APIP: variants seen among roughly 807,000 people sequenced by gnomAD.
APIP encodes the protein methylthioribulose-1-phosphate dehydratase.
APIP carries 32 observed loss-of-function variants against 32.0 expected under a neutral mutation model. The ratio of observed to expected loss-of-function variants is 1.00; its 90% CI spans 0.76 to 1.34. The LOEUF is 1.34. Ranked by LOEUF, APIP falls within the 40% of genes most tolerant of loss-of-function variation. The probability of loss-of-function intolerance (pLI) is 0.00; values close to 1 mark genes in which losing one functional copy is unlikely to be tolerated. For missense variants in APIP, 247 were observed against 298.6 expected (o/e 0.83, Z 1.27); for synonymous variants, 92 against 94.8 (o/e 0.97, Z 0.17).
chr11:34,913,410 C>T (rs1211208302), intron 1 of APIP, among the ~76,000 whole-genome samples: 1 of 152,020 alleles, frequency 6.6e-6, no homozygotes, highest in African/African-American at 2.4e-5. Context: ...TTCAGATGTT[C>T]AGAGTTTCTT....
chr11:34,883,478 A>G lies in APIP; in HGVS notation c.488T>C (p.Ile163Thr). ...YRYDDMLVVP[I>T]IENTPEEKDL... ...TTTCTCCTCAGGTGTATTCTCAATA[A>G]TGGGTACCACTAACATATCATCATA... The change falls in exon 6 of 7, where the codon ATT becomes ACT. Residue 163 changes from isoleucine to threonine, a missense_variant. Transcript: ENST00000395787. 1 of 1,613,810 alleles carries G rather than the reference A, an allele frequency of 6.2e-7. No individual in the cohort carries two copies. The highest frequency in any genetic ancestry group is 8.5e-7 in the Non-Finnish European group (1 of 1,179,892).
At chr11:34,886,782 G>A (rs1480874882) in intron 5 of APIP, among the ~76,000 whole-genome samples, 1 of 152,030 alleles carries the variant, frequency 6.6e-6, no homozygotes, top group Non-Finnish European at 1.5e-5. Context: ...ACAGTAACCT[G>A]CTATGCAGGC....
At chr11:34,883,547 A>T (rs1403061247) in intron 5 of APIP, 43 bp from the exon 6 acceptor site, 2 of 1,592,194 alleles carry the variant, frequency 1.3e-6, no homozygotes, top group Non-Finnish European at 1.7e-6. Flanking sequence ...AAAACAAATC[A>T]AGCATTGATA....
intron 1 of APIP, among the ~76,000 whole-genome samples, chr11:34,899,042 A>G (rs1853333812): frequency 6.6e-6 from 1 of 151,066 alleles, no homozygotes; most frequent in Admixed American, 6.6e-5. Flanking sequence ...CTAGTGATCC[A>G]CCTGCCTCGG....
intron 1 of APIP, chr11:34,915,943 G>C: frequency 1.9e-6 from 1 of 530,832 alleles, no homozygotes; most frequent in Admixed American, 3.4e-5. Flanking sequence ...TACCCGGTGA[G>C]GTCACCTAAA....
intron 1 of APIP, among the ~76,000 whole-genome samples, chr11:34,911,202 G>A (rs967605704): frequency 2.0e-5 from 3 of 152,052 alleles, no homozygotes; most frequent in Admixed American, 6.6e-5. Context: ...TTAGAGTGAG[G>A]GGGCGGTAAA....
chr11:34,883,593 A>G, intron 5 of APIP, 89 bp from the exon 6 acceptor site: 1 of 1,388,594 alleles, frequency 7.2e-7, no homozygotes, highest in African/African-American at 1.4e-5. Flanking sequence ...GTAACCAGTT[A>G]GACATGCTGT....
intron 5 of APIP, among the ~76,000 whole-genome samples, chr11:34,886,870 C>T (rs1853081885): frequency 6.6e-6 from 1 of 152,202 alleles, no homozygotes; most frequent in Non-Finnish European, 1.5e-5. Flanking sequence ...TGTGTATGCA[C>T]TCTGCTGTTC....
intron 5 of APIP, among the ~76,000 whole-genome samples, chr11:34,886,159 G>T (rs1853067161): frequency 6.6e-6 from 1 of 152,096 alleles, no homozygotes; most frequent in African/African-American, 2.4e-5. Flanking sequence ...GGCACTGTTA[G>T]TTATCACAGG....
intron 5 of APIP, among the ~76,000 whole-genome samples, chr11:34,885,972 TA>T (rs1363243720): frequency 6.6e-6 from 1 of 152,202 alleles, no homozygotes; most frequent in Admixed American, 6.5e-5. Flanking sequence ...GTACAGCACA[TA>T]CAATTATTAC....
chr11:34,916,176 C>CGCCTGGGCCT lies in APIP; in HGVS notation c.57+42_57+51dup. The stretch of plus-strand genomic sequence containing the variant: ...GCGCCCAGCTCCAGCCGCCGGGTCC[C>CGCCTGGGCCT]GCCTGGGCCTCTCCTCCTGGGAATA... On this transcript the variant is annotated intron_variant, in intron 1 of 6. Transcript: ENST00000395787. The CGCCTGGGCCT allele has an allele frequency of 3.8e-6, 6 of 1,580,888 alleles. No homozygotes were observed. In the South Asian group the frequency reaches 6.9e-5, roughly 18 times the overall value.
At chr11:34,897,297 A>G (rs1001334845) in intron 1 of APIP, among the ~76,000 whole-genome samples, 2 of 152,190 alleles carry the variant, frequency 1.3e-5, no homozygotes, top group African/African-American at 2.4e-5. Context: ...TCTAATCCAC[A>G]TTACTGGATT....
intron 2 of APIP, among the ~76,000 whole-genome samples, chr11:34,891,122 A>T (rs182987068): frequency 1.8e-3 from 281 of 152,240 alleles, no homozygotes; most frequent in Non-Finnish European, 3.5e-3. Context: ...AAGCATACAT[A>T]TCTTGGAAAA....
intron 1 of APIP, among the ~76,000 whole-genome samples, chr11:34,899,802 A>G (rs1853345084): frequency 1.3e-5 from 2 of 152,186 alleles, no homozygotes; most frequent in African/African-American, 4.8e-5. Flanking sequence ...GGACCTAGGA[A>G]CTAGCGAGGG....
chr11:34,890,727 T>C (rs951103990), intron 2 of APIP, 175 bp from the exon 3 acceptor site: 16 of 539,568 alleles, frequency 3.0e-5, no homozygotes, highest in Non-Finnish European at 5.2e-5. Context: ...AATGCCTTTG[T>C]AGTGCTGGTG....
At chr11:34,889,288 T>C (rs2956097) in intron 3 of APIP, among the ~76,000 whole-genome samples, 121,360 of 151,994 alleles carry the variant, frequency 0.8, 48,639 homozygotes, top group African/African-American at 0.83. Flanking sequence ...TTTCAGAAAG[T>C]CTATATAAAG....
At chr11:34,904,338 T>C (rs868154463) in intron 1 of APIP, among the ~76,000 whole-genome samples, 4 of 152,196 alleles carry the variant, frequency 2.6e-5, no homozygotes, top group Non-Finnish European at 4.4e-5. Flanking sequence ...ATCATCTCCA[T>C]TGTGCTTGGA....
At chr11:34,899,107 G>A (rs1853334540) in intron 1 of APIP, among the ~76,000 whole-genome samples, 1 of 152,002 alleles carries the variant, frequency 6.6e-6, no homozygotes, top group African/African-American at 2.4e-5. Context: ...CTGACCTAGT[G>A]ATCCACCTGC....
chr11:34,890,387 G>A, intron 3 of APIP, 117 bp downstream of exon 3: 1 of 921,462 alleles, frequency 1.1e-6, no homozygotes, highest in Admixed American at 2.7e-5. Flanking sequence ...AATGTTTGCT[G>A]ATTAGTTATT....
Sources: allele counts gnomAD v4.1 joint callset (sites outside exome capture counted in the v4.1 genomes callset), GRCh38; gene constraint gnomAD v4.1.1; transcripts MANE v1.5; gene names NCBI Gene and HGNC (gene_info 2026-07-23, HGNC 2026-07-21).